DNAJC1: variants seen among roughly 807,000 people sequenced by gnomAD.
DNAJC1 encodes dnaJ homolog subfamily C member 1.
A neutral mutation model predicts 76.6 loss-of-function variants in DNAJC1; 58 were observed. The ratio of observed to expected loss-of-function variants is 0.76; its 90% confidence interval spans 0.61 to 0.94. The LOEUF (loss-of-function observed/expected upper bound fraction) is 0.94. Ranked by LOEUF, DNAJC1 falls within the 40% of genes least tolerant of loss-of-function variation. DNAJC1 has a pLI of 0.00. For missense variants in DNAJC1, 689 were observed against 677.3 expected (o/e 1.02, Z -0.19); for synonymous variants, 258 against 267.9 (o/e 0.96, Z 0.36).
At position 21,830,896 on chromosome 10, in the gene DNAJC1, C is replaced by CT. The variant is rs537956526; in HGVS notation, c.979-24798dup. On this transcript the variant is annotated intron_variant, in intron 8 of 11. Coordinates refer to ENST00000376980, the MANE Select transcript of DNAJC1 (RefSeq NM_022365.4). ...AGTGAACATTTCATTTCTAAAAGTT[C>CT]TTTTTTTCATATCCTGTCATGTTCT... Among the ~76,000 whole-genome samples, 590 of 152,156 alleles carry CT rather than the reference C, an allele frequency of 3.9e-3. 5 individuals carry two copies. Among genetic ancestry groups the CT allele is most frequent in the African/African-American group, 0.013 (555 of 41,522 alleles).
chr10:21,904,503 A>C lies in DNAJC1; in HGVS notation c.820+19T>G. On this transcript the variant is annotated intron_variant, in intron 7 of 11. Transcript: ENST00000376980. Reference sequence around the variant, plus strand: ...TAATTTTATATGACATTGTTAAAACACTAATGTTTAAAACTCACTTTGAAG... The same window carrying C: ...TAATTTTATATGACATTGTTAAAACCCTAATGTTTAAAACTCACTTTGAAG... The C allele has an allele frequency of 3.5e-6, 5 of 1,441,596 alleles. No homozygotes were observed. Among genetic ancestry groups the C allele is most frequent in the Non-Finnish European group, 4.7e-6 (5 of 1,057,972 alleles). 89.3% of individuals were successfully genotyped at this position (1,441,596 alleles called of 1,614,324 possible). A position where few individuals can be genotyped will look rare whatever the true frequency, so the allele number is the denominator to read the frequency against.
chr10:21,901,784 A>G (rs1212467136), intron 7 of DNAJC1, among the ~76,000 whole-genome samples: 1 of 152,210 alleles, frequency 6.6e-6, no homozygotes, highest in African/African-American at 2.4e-5. Flanking sequence ...GCTAATCTAC[A>G]TGAGATGCAT....
chr10:21,983,158 T>C (rs1252186942), intron 1 of DNAJC1, among the ~76,000 whole-genome samples: 1 of 152,202 alleles, frequency 6.6e-6, no homozygotes, highest in African/African-American at 2.4e-5. Context: ...CAGATACTTG[T>C]ATACCAATGG....
At chr10:21,837,978 G>A (rs1349988527) in intron 8 of DNAJC1, among the ~76,000 whole-genome samples, 40 of 143,344 alleles carry the variant, frequency 2.8e-4, no homozygotes, top group African/African-American at 8.2e-4. Context: ...GGCAGTCCCC[G>A]CCCGGCCAGC....
At chr10:21,820,925 C>T (rs748517764) in intron 8 of DNAJC1, among the ~76,000 whole-genome samples, 3 of 152,202 alleles carry the variant, frequency 2.0e-5, no homozygotes, top group Non-Finnish European at 4.4e-5. Context: ...CCAGGAACCT[C>T]CACACGTTCA....
chr10:21,790,391 G>T (rs1391811803), intron 9 of DNAJC1, among the ~76,000 whole-genome samples: 1 of 151,098 alleles, frequency 6.6e-6, no homozygotes, highest in Non-Finnish European at 1.5e-5. Flanking sequence ...AAGACGAAGA[G>T]AAAATTCTAA....
intron 10 of DNAJC1, among the ~76,000 whole-genome samples, chr10:21,762,776 T>C (rs562307036): frequency 2.0e-5 from 3 of 152,320 alleles, no homozygotes; most frequent in African/African-American, 7.2e-5. Flanking sequence ...CGCCTGGCTG[T>C]ATTTTTAACA....
intron 9 of DNAJC1, among the ~76,000 whole-genome samples, chr10:21,784,631 TAA>T (rs1450216762): frequency 2.0e-5 from 3 of 152,098 alleles, no homozygotes; most frequent in Non-Finnish European, 4.4e-5. Flanking sequence ...TTCACAATAG[TAA>T]AGACTTGAAA....
rs11411342 is a variant in DNAJC1, at chr10:21,944,170, GTT to G, written c.223-15031_223-15030del. Among the ~76,000 whole-genome samples the G allele has an allele frequency of 2.1e-3, 320 of 149,048 alleles. 1 individual carries two copies. The highest frequency in any genetic ancestry group is 7.4e-3 in the African/African-American group (301 of 40,758). ...AATCCATTGTTTTCATCACATAAAG[GTT>G]TTTTTTTTTTCATATTATCCTCCAA... On this transcript the variant is annotated intron_variant, in intron 1 of 11. Coordinates refer to ENST00000376980, the MANE Select transcript of DNAJC1 (RefSeq NM_022365.4).
chr10:21,818,244 A>C (rs1004627697), intron 8 of DNAJC1, among the ~76,000 whole-genome samples: 1 of 152,122 alleles, frequency 6.6e-6, no homozygotes, highest in Non-Finnish European at 1.5e-5. Context: ...TTTATGGTCT[A>C]GCTGTAGGGA....
intron 9 of DNAJC1, among the ~76,000 whole-genome samples, chr10:21,797,671 G>A (rs1834764452): frequency 6.6e-6 from 1 of 152,090 alleles, no homozygotes; most frequent in Admixed American, 6.5e-5. Context: ...GGCGGGAGTG[G>A]GTTATTGCAG....
Position 21,759,600 on chromosome 10 carries a change from T to A in DNAJC1, c.1166A>T (p.Glu389Val). The change falls in exon 11 of 12, where the codon GAA becomes GTA. Residue 389 changes from glutamate to valine, a missense_variant. By Grantham distance (121) the Glu-to-Val change is moderately radical. Transcript: ENST00000376980. ...GGAATTCTGAACTGTCGATTTGAGTTCGGAGAGTCTAACCATTCCTAGGAA... is the reference window on the plus strand; with the variant it reads ...GGAATTCTGAACTGTCGATTTGAGTACGGAGAGTCTAACCATTCCTAGGAA... ...TCSPGMVRLS[E>V]LKSTVQNSRP... 6.8e-6 allele frequency: 11 copies of A among 1,613,766 alleles called. No individual in the cohort carries two copies. Among genetic ancestry groups the A allele is most frequent in the Non-Finnish European group, 9.3e-6 (11 of 1,179,922 alleles).
Position 21,766,248 on chromosome 10 carries a change from A to T in DNAJC1, c.1147+13T>A, listed in dbSNP as rs1358983888. 1.9e-6 allele frequency: 3 copies of T among 1,594,696 alleles called. No individual in the cohort carries two copies. Among genetic ancestry groups the T allele is most frequent in the Non-Finnish European group, 2.6e-6 (3 of 1,162,556 alleles). On this transcript the variant is annotated intron_variant, in intron 10 of 11. Transcript: ENST00000376980. The stretch of plus-strand genomic sequence containing the variant: ...CACTTTAGATTAATGAGATAGAGGA[A>T]GTATGAACTCACCTGGGGAGCAGGT...
intron 6 of DNAJC1, among the ~76,000 whole-genome samples, chr10:21,910,323 C>T (rs1041153850): frequency 6.6e-6 from 1 of 152,030 alleles, no homozygotes. Context: ...CAATGTTGTC[C>T]AGGCTGGTCT....
intron 9 of DNAJC1, among the ~76,000 whole-genome samples, chr10:21,802,383 T>C (rs528314364): frequency 2.6e-5 from 4 of 152,274 alleles, no homozygotes; most frequent in South Asian, 4.1e-4. Flanking sequence ...CCATAATGCT[T>C]ATTTTCCATG....
intron 10 of DNAJC1, among the ~76,000 whole-genome samples, 177 bp downstream of exon 10, chr10:21,766,084 G>A (rs1834296791): frequency 6.6e-6 from 1 of 152,180 alleles, no homozygotes. Flanking sequence ...ACCAGTATGT[G>A]CAGGGCTGGA....
chr10:21,782,619 T>C lies in DNAJC1; in HGVS notation c.1099-16310A>G, dbSNP rs532212906. Among the ~76,000 whole-genome samples, 3 of 152,280 alleles carry C rather than the reference T, an allele frequency of 2.0e-5. No individual in the cohort carries two copies. In the East Asian group the frequency reaches 5.8e-4, roughly 29 times the overall value. Reference sequence around the variant, plus strand: ...ACAAAAAAAGAGAATTTTAGACCAATATCCCTGATGAACATCGATGCAAAA... The same window carrying C: ...ACAAAAAAAGAGAATTTTAGACCAACATCCCTGATGAACATCGATGCAAAA... On this transcript the variant is annotated intron_variant, in intron 9 of 11. Transcript: ENST00000376980.
At chr10:21,788,637 C>A (rs1194120880) in intron 9 of DNAJC1, among the ~76,000 whole-genome samples, 1 of 152,146 alleles carries the variant, frequency 6.6e-6, no homozygotes, top group Non-Finnish European at 1.5e-5. Context: ...GCTGCCACTG[C>A]ACTTGGACTC....
chr10:21,830,913 T>C (rs1469801042), intron 8 of DNAJC1, among the ~76,000 whole-genome samples: 1 of 152,198 alleles, frequency 6.6e-6, no homozygotes, highest in African/African-American at 2.4e-5. Flanking sequence ...TCATATCCTG[T>C]CATGTTCTTT....
Sources: gnomAD v4.1 joint callset for allele counts (sites outside exome capture counted in the v4.1 genomes callset) on GRCh38, gnomAD v4.1.1 for gene constraint, MANE v1.5 for transcripts, NCBI Gene and HGNC (gene_info 2026-07-23, HGNC 2026-07-21) for gene names.